Variants in APBB2 observed in about 807,000 individuals in gnomAD.
APBB2 encodes the protein Fe65-like 1.
APBB2 carries 38 observed loss-of-function variants against 82.5 expected under a neutral mutation model. The ratio of observed to expected loss-of-function variants is 0.46; its 90% CI spans 0.36 to 0.60. APBB2 has a LOEUF of 0.60. Among genes scored for constraint, APBB2 ranks in the 20% least tolerant of loss-of-function variants. The pLI, the probability that APBB2 is intolerant of heterozygous loss-of-function variation, is 0.00. For synonymous variants in APBB2, 341 were observed against 368.2 expected, an observed-to-expected ratio of 0.93 and a Z score of 0.85; for missense variants, 772 against 972.3, an observed-to-expected ratio of 0.79 and a Z score of 2.74.
chr4:40,973,762 T>G (rs989954236), intron 6 of APBB2, among the ~76,000 whole-genome samples: 1 of 152,200 alleles, frequency 6.6e-6, no homozygotes, highest in Non-Finnish European at 1.5e-5. Context: ...GCAGCACAAC[T>G]GCAATCTCTG....
At chr4:40,955,041 C>T (rs777461097) in intron 6 of APBB2, among the ~76,000 whole-genome samples, 20 of 152,226 alleles carry the variant, frequency 1.3e-4, no homozygotes, top group Non-Finnish European at 2.9e-4. Context: ...CATTCATCCA[C>T]TTACTCATTC....
At chr4:40,945,799 G>A (rs376507850) in intron 6 of APBB2, among the ~76,000 whole-genome samples, 10 of 152,086 alleles carry the variant, frequency 6.6e-5, no homozygotes, top group African/African-American at 2.4e-4. Context: ...TAATAGAGAC[G>A]AGGTTTCACC....
At chr4:41,012,948 AC>A (rs1462727209) in intron 6 of APBB2, among the ~76,000 whole-genome samples, 5 of 152,220 alleles carry the variant, frequency 3.3e-5, no homozygotes, top group African/African-American at 1.2e-4. Flanking sequence ...ACAAATATAG[AC>A]AAAAGTCCAG....
chr4:41,203,634 G>A (rs1230559693), intron 1 of APBB2, among the ~76,000 whole-genome samples: 1 of 152,154 alleles, frequency 6.6e-6, no homozygotes, highest in African/African-American at 2.4e-5. Flanking sequence ...CACGAATACA[G>A]AGACCACTAA....
Position 40,917,318 on chromosome 4 carries a change from T to C in APBB2, c.1254+17138A>G, listed in dbSNP as rs553008078. On this transcript the variant is annotated intron_variant, in intron 10 of 17. Transcript: ENST00000508593. ...CCAAGATTTCTTGTCTTCAGCTTGA[T>C]GGATGAGGCCCATCAAAGAAAGGGA... Among the ~76,000 whole-genome samples, 4 of 152,242 alleles carry C rather than the reference T, an allele frequency of 2.6e-5. No homozygotes were observed. In the South Asian group the frequency reaches 8.3e-4, roughly 32 times the overall value.
At chr4:40,964,891 CGGGCA>C (rs34484248) in intron 6 of APBB2, among the ~76,000 whole-genome samples, 2,013 of 152,060 alleles carry the variant, frequency 0.013, 50 homozygotes, top group African/African-American at 0.045. Context: ...GAGGCCAAGG[CGGGCA>C]GATCACGAGG....
At chr4:40,882,633 T>G (rs6811712) in intron 12 of APBB2, among the ~76,000 whole-genome samples, 25,979 of 152,106 alleles carry the variant, frequency 0.17, 2,576 homozygotes, top group Admixed American at 0.28. Context: ...CTTCGAGTGC[T>G]GCACAGTCAC....
At chr4:41,021,774 A>G (rs1163958903) in intron 5 of APBB2, among the ~76,000 whole-genome samples, 3 of 152,140 alleles carry the variant, frequency 2.0e-5, no homozygotes, top group African/African-American at 7.2e-5. Flanking sequence ...ACTCTTCACA[A>G]TAAATCTTCC....
At chr4:41,061,532 A>G (rs1021440810) in intron 4 of APBB2, among the ~76,000 whole-genome samples, 2 of 152,244 alleles carry the variant, frequency 1.3e-5, no homozygotes, top group Admixed American at 6.5e-5. Flanking sequence ...GCACCTAAAC[A>G]TATCTAAACA....
intron 1 of APBB2, among the ~76,000 whole-genome samples, chr4:41,187,157 C>T (rs1773121813): frequency 6.6e-6 from 1 of 152,118 alleles, no homozygotes; most frequent in Non-Finnish European, 1.5e-5. Flanking sequence ...AGTGAAGATA[C>T]AATGATACAA....
chr4:40,981,841 T>C (rs1455643946), intron 6 of APBB2, among the ~76,000 whole-genome samples: 1 of 152,128 alleles, frequency 6.6e-6, no homozygotes, highest in Non-Finnish European at 1.5e-5. Flanking sequence ...CAGTGGCTAA[T>C]GCATCCCAGC....
At chr4:40,868,367 T>C (rs559161877) in intron 12 of APBB2, among the ~76,000 whole-genome samples, 1 of 152,322 alleles carries the variant, frequency 6.6e-6, no homozygotes, top group East Asian at 1.9e-4. Context: ...GATTCTGCTT[T>C]CTTCTCTCAT....
At chr4:40,992,009 A>G (rs1461483556) in intron 6 of APBB2, among the ~76,000 whole-genome samples, 5 of 152,130 alleles carry the variant, frequency 3.3e-5, no homozygotes, top group Non-Finnish European at 7.4e-5. Context: ...CACAGACACC[A>G]CACACACCAC....
chr4:41,132,747 C>A (rs1254613683), intron 2 of APBB2, among the ~76,000 whole-genome samples: 1 of 151,972 alleles, frequency 6.6e-6, no homozygotes, highest in Non-Finnish European at 1.5e-5. Context: ...TATGCTTTAC[C>A]ACTCTCCCCA....
intron 1 of APBB2, among the ~76,000 whole-genome samples, chr4:41,206,314 C>A (rs1254190307): frequency 6.6e-6 from 1 of 152,162 alleles, no homozygotes; most frequent in African/African-American, 2.4e-5. Context: ...GCCTTCCTTC[C>A]CCTCCACTCC....
chr4:40,914,785 T>C (rs1779438516), intron 10 of APBB2, among the ~76,000 whole-genome samples: 1 of 151,468 alleles, frequency 6.6e-6, no homozygotes, highest in Non-Finnish European at 1.5e-5. Context: ...CAGCAGTATC[T>C]GTCCTTCTTC....
At chr4:40,838,483 G>A (rs371004661) in intron 12 of APBB2, among the ~76,000 whole-genome samples, 5 of 152,090 alleles carry the variant, frequency 3.3e-5, no homozygotes, top group East Asian at 3.9e-4. Flanking sequence ...CTACAGGCAC[G>A]TGCCACCACA....
At chr4:40,952,945 C>G (rs530248500) in intron 6 of APBB2, among the ~76,000 whole-genome samples, 36 of 152,194 alleles carry the variant, frequency 2.4e-4, no homozygotes, top group Admixed American at 2.1e-3. Context: ...TTCTAGGGCT[C>G]AGAGAGGACA....
At chr4:40,857,239 C>A in intron 12 of APBB2, 1 of 925,552 alleles carries the variant, frequency 1.1e-6, no homozygotes, top group Non-Finnish European at 1.3e-6. Flanking sequence ...AGGCGCGTGG[C>A]CCCGCCCCAC....
Sources: gnomAD v4.1 joint callset for allele counts (sites outside exome capture counted in the v4.1 genomes callset) on GRCh38, gnomAD v4.1.1 for gene constraint, MANE v1.5 for transcripts, NCBI Gene and HGNC (gene_info 2026-07-23, HGNC 2026-07-21) for gene names.